Variants in PTK7 observed in about 807,000 individuals in gnomAD.
PTK7 encodes the protein inactive tyrosine-protein kinase 7.
PTK7 carries 39 observed loss-of-function variants against 116.6 expected under a neutral mutation model. The observed-to-expected ratio is 0.33, with a 90% CI of 0.26 to 0.44. PTK7 has a LOEUF of 0.44. Among genes scored for constraint, PTK7 ranks in the 20% least tolerant of loss-of-function variants. The probability of loss-of-function intolerance (pLI) is 1.00; values close to 1 mark genes in which losing one functional copy is unlikely to be tolerated. For synonymous variants in PTK7, 546 were observed against 563.6 expected (o/e 0.97, Z 0.44); for missense variants, 1,169 against 1,425.6 (o/e 0.82, Z 2.90).
intron 7 of PTK7, among the ~76,000 whole-genome samples, chr6:43,136,881 G>A (rs1770074284): frequency 6.6e-6 from 1 of 152,174 alleles, no homozygotes; most frequent in Non-Finnish European, 1.5e-5. Flanking sequence ...GTACGCGCCT[G>A]TGGTCCTAGC....
chr6:43,155,311 T>G (rs1273681653), intron 17 of PTK7, among the ~76,000 whole-genome samples: 1 of 152,106 alleles, frequency 6.6e-6, no homozygotes, highest in Non-Finnish European at 1.5e-5. Flanking sequence ...GTGCCTGGCT[T>G]CAATTTATAT....
At chr6:43,142,502 G>GGTGTGT (rs142795079) in intron 13 of PTK7, 5 of 772,330 alleles carry the variant, frequency 6.5e-6, no homozygotes, top group East Asian at 6.0e-5. Flanking sequence ...TCCAACGGTC[G>GGTGTGT]GTGTGTGTGT....
chr6:43,130,263 C>G lies in PTK7; in HGVS notation c.504C>G (p.Pro168=), dbSNP rs138087015. The part of the protein sequence containing the change: ...PTYQWFRDGT[P]LSDGQSNHTV... ...ACCAATGGTTCCGAGATGGGACCCC[C>G]CTTTCTGATGGTCAGAGCAACCACA... The change falls in exon 4 of 20, where the codon CCC becomes CCG. Residue 168 remains proline (P), a synonymous_variant. Coordinates refer to ENST00000230419, the MANE Select transcript of PTK7 (RefSeq NM_002821.5). The G allele has an allele frequency of 3.1e-5, 49 of 1,600,808 alleles. No homozygotes were observed. In the African/African-American group the frequency reaches 5.1e-4, roughly 17 times the overall value.
At chr6:43,114,873 C>G (rs575221372) in intron 1 of PTK7, among the ~76,000 whole-genome samples, 1 of 152,100 alleles carries the variant, frequency 6.6e-6, no homozygotes, top group African/African-American at 2.4e-5. Context: ...AACCCTGTCT[C>G]TACTAAAAAT....
At chr6:43,140,074 A>G (rs1770299945) in intron 10 of PTK7, among the ~76,000 whole-genome samples, 1 of 152,176 alleles carries the variant, frequency 6.6e-6, no homozygotes, top group Admixed American at 6.5e-5. Flanking sequence ...AGATCATGCC[A>G]TTGCACCAGA....
intron 19 of PTK7, among the ~76,000 whole-genome samples, chr6:43,160,462 C>T (rs1446535915): frequency 1.3e-5 from 2 of 152,162 alleles, no homozygotes; most frequent in African/African-American, 2.4e-5. Context: ...ATAGCCTTTG[C>T]CCCCAGTGCC....
intron 1 of PTK7, among the ~76,000 whole-genome samples, chr6:43,112,891 C>T (rs915027492): frequency 6.6e-5 from 10 of 152,176 alleles, no homozygotes; most frequent in African/African-American, 2.2e-4. Context: ...TGCAGTGGCA[C>T]AATCATAGCT....
At chr6:43,137,925 G>A (rs1770141624) in intron 7 of PTK7, among the ~76,000 whole-genome samples, 1 of 152,138 alleles carries the variant, frequency 6.6e-6, no homozygotes, top group Non-Finnish European at 1.5e-5. Flanking sequence ...TTGTGCCTCA[G>A]CCTCCCCAGT....
intron 1 of PTK7, among the ~76,000 whole-genome samples, chr6:43,088,736 G>C (rs1766794699): frequency 6.7e-6 from 1 of 148,622 alleles, no homozygotes; most frequent in African/African-American, 2.5e-5. Context: ...TAAATAAAGA[G>C]TTATGGTGAA....
In PTK7 at chr6:43,145,461, C is replaced by A; in HGVS notation, c.2640+29C>A. The A allele has an allele frequency of 6.7e-7, 1 of 1,499,158 alleles. No individual in the cohort carries two copies. The highest frequency in any genetic ancestry group is 9.0e-7 in the Non-Finnish European group (1 of 1,111,526). The allele number at this position is 1,499,158 out of a possible 1,614,324, so 92.9% of individuals were successfully genotyped here. ...TGCTGTTGGCAGGGGACGTGGGGGT[C>A]TCGGGTAGGGAGGGCAGTGTCCTAC... On this transcript the variant is annotated intron_variant, in intron 16 of 19. Coordinates refer to ENST00000230419, the MANE Select transcript of PTK7 (RefSeq NM_002821.5). This position sits in a 1 kb window ranked among gnomAD's most constrained non-coding sequence, Gnocchi z 4.8.
Position 43,139,495 on chromosome 6 carries a change from G to T in PTK7, c.1588G>T (p.Glu530Ter). 6.2e-7 allele frequency: 1 copy of T among 1,614,212 alleles called. No homozygotes were observed. Among genetic ancestry groups the T allele is most frequent in the South Asian group, 1.1e-5 (1 of 91,078 alleles). The change falls in exon 10 of 20, where the codon GAG (glutamate) becomes TAG (stop). Residue 530 changes from glutamate (E) to a stop codon, truncating the protein, a stop_gained. Transcript: ENST00000230419. LOFTEE classifies it high-confidence loss of function. The surrounding 1 kb of genome is among the most constrained non-coding windows in gnomAD (Gnocchi z 4.6). The stretch of plus-strand genomic sequence containing the variant: ...GGTGCCCTGTTCAGCCACAGGCCGA[G>T]AGAAGCCCACTATTAAGTGGGAACG... ...ATVPCSATGR[E>*]KPTIKWERAD...
rs1213297341 is a variant in PTK7, at chr6:43,129,584, C to A, written c.368-143C>A. 2 of 751,232 alleles carry A rather than the reference C, an allele frequency of 2.7e-6. No homozygotes were observed. The highest frequency in any genetic ancestry group is 3.5e-5 in the African/African-American group (2 of 57,584). 46.5% of individuals were successfully genotyped at this position (751,232 alleles called of 1,614,324 possible). On this transcript the variant is annotated intron_variant, in intron 2 of 19. Coordinates refer to ENST00000230419, the MANE Select transcript of PTK7 (RefSeq NM_002821.5). The surrounding 1 kb of genome is among the most constrained non-coding windows in gnomAD (Gnocchi z 4.5). ...GCACTTAGTATCTGGTAACTGTAGC[C>A]CCAGCCTCAGCCTCCAGGGCTTCCT...
chr6:43,094,921 T>C (rs1042777581), intron 1 of PTK7, among the ~76,000 whole-genome samples: 1 of 151,496 alleles, frequency 6.6e-6, no homozygotes, highest in Non-Finnish European at 1.5e-5. Context: ...TGTGGGCACC[T>C]GTAGTCCCAG....
chr6:43,125,922 T>A (rs1037060839), intron 1 of PTK7, among the ~76,000 whole-genome samples: 1 of 152,140 alleles, frequency 6.6e-6, no homozygotes, highest in African/African-American at 2.4e-5. Flanking sequence ...CTCCCCACCA[T>A]GTCTGCAGAA....
Position 43,139,289 on chromosome 6 carries a change from G to T in PTK7, c.1498+18G>T, listed in dbSNP as rs974008236. 4 of 1,614,238 alleles carry T rather than the reference G, an allele frequency of 2.5e-6. No homozygotes were observed. The highest frequency in any genetic ancestry group is 3.4e-6 in the Non-Finnish European group (4 of 1,180,044). On this transcript the variant is annotated intron_variant, in intron 9 of 19. Coordinates refer to ENST00000230419, the MANE Select transcript of PTK7 (RefSeq NM_002821.5). This position sits in a 1 kb window ranked among gnomAD's most constrained non-coding sequence, Gnocchi z 4.6. ...AGTGCTGGGTGAGCCAGCATGTCTTGGGGGAGCACCCTTCCTGGCTAGGCA... is the reference window on the plus strand; with the variant it reads ...AGTGCTGGGTGAGCCAGCATGTCTTTGGGGAGCACCCTTCCTGGCTAGGCA...
At chr6:43,093,177 G>A (rs1767051440) in intron 1 of PTK7, among the ~76,000 whole-genome samples, 1 of 143,962 alleles carries the variant, frequency 6.9e-6, no homozygotes, top group Non-Finnish European at 1.5e-5. Context: ...CTAATGATAG[G>A]ATCTCCTTTT....
chr6:43,078,750 A>T (rs1766203249), intron 1 of PTK7, among the ~76,000 whole-genome samples: 1 of 152,186 alleles, frequency 6.6e-6, no homozygotes, highest in South Asian at 2.1e-4. Flanking sequence ...AATATGGTGG[A>T]GGAGGAGGAG....
chr6:43,125,609 G>C (rs989766891), intron 1 of PTK7, among the ~76,000 whole-genome samples: 1 of 152,198 alleles, frequency 6.6e-6, no homozygotes, highest in African/African-American at 2.4e-5. Flanking sequence ...GAGTGGTCCT[G>C]GCACTTGGCA....
chr6:43,125,287 G>A (rs1769223218), intron 1 of PTK7, among the ~76,000 whole-genome samples: 1 of 152,248 alleles, frequency 6.6e-6, no homozygotes, highest in Admixed American at 6.5e-5. Flanking sequence ...CAGCTTTGAT[G>A]TTTCCCAGGC....
Sources: allele counts gnomAD v4.1 joint callset (sites outside exome capture counted in the v4.1 genomes callset), GRCh38; gene constraint gnomAD v4.1.1; non-coding constraint Gnocchi (gnomAD v3.1); transcripts MANE v1.5; gene names NCBI Gene and HGNC (gene_info 2026-07-23, HGNC 2026-07-21).